DNLZ: variants seen among roughly 807,000 people sequenced by gnomAD.
The protein encoded by DNLZ is DNL-type zinc finger.
Under a neutral mutation model 7.8 loss-of-function variants are expected in DNLZ, and 15 were observed. The ratio of observed to expected loss-of-function variants is 1.91; its 90% CI spans 1.28 to 2.95. DNLZ has a LOEUF of 2.95. Among genes scored for constraint, DNLZ ranks in the 30% most tolerant of loss-of-function variants. The pLI, the probability that DNLZ is intolerant of heterozygous loss-of-function variation, is 0.00. For synonymous variants in DNLZ, 123 were observed against 77.8 expected (o/e 1.58, Z -3.05); for missense variants, 255 against 167.3 (o/e 1.52, Z -2.89).
At chr9:136,362,797 G>T (rs1054998735) in intron 2 of DNLZ, among the ~76,000 whole-genome samples, 192 bp downstream of exon 2, 2 of 152,224 alleles carry the variant, frequency 1.3e-5, no homozygotes, top group African/African-American at 4.8e-5. Context: ...CCCCCTACTT[G>T]GGGCATACTT....
In DNLZ at chr9:136,361,382, A is replaced by G. The variant is rs1832977732; in HGVS notation, c.*630T>C. 1 of 152,210 alleles carries G rather than the reference A, an allele frequency of 6.6e-6. No individual in the cohort carries two copies. The highest frequency in any genetic ancestry group is 1.5e-5 in the Non-Finnish European group (1 of 68,064). The allele number at this position is 152,210 out of a possible 1,614,324, so 9.4% of individuals were successfully genotyped here. ...CAGACAAGGCTGGGAGACAAACCCC[A>G]CACACCTCGGAGGGCCCTGGGGACG... On this transcript the variant is annotated 3_prime_UTR_variant, in exon 3 of 3. Coordinates refer to ENST00000371738, the MANE Select transcript of DNLZ (RefSeq NM_001080849.3).
rs1263675445 is a variant in DNLZ, at chr9:136,363,704, G to A, written c.11C>T (p.Thr4Ile). 3 of 463,178 alleles carry A rather than the reference G, an allele frequency of 6.5e-6. No homozygotes were observed. Among genetic ancestry groups the A allele is most frequent in the Admixed American group, 8.8e-5 (2 of 22,820 alleles). 28.7% of individuals were successfully genotyped at this position (463,178 alleles called of 1,614,324 possible). ...CAACCTCGGCGCGCCGCGCAGCGCA[G>A]TCCGCAGCATCCCGCTCGCCGGCTC... is the stretch of plus-strand genomic sequence containing the variant. Reference protein sequence around the residue: MLRTALRGAPRLLS... With the variant: MLRIALRGAPRLLS... Residue 4 changes from threonine to isoleucine, a missense_variant, in exon 1 of 3, where the codon ACT becomes ATT. By Grantham distance (89) the Thr-to-Ile change is moderately conservative (BLOSUM62 -1). Transcript: ENST00000371738.
At position 136,361,313 on chromosome 9, in the gene DNLZ, T is replaced by A. The variant is rs1187091522; in HGVS notation, c.*699A>T. 2.0e-5 allele frequency: 3 copies of A among 152,260 alleles called. No homozygotes were observed. Among genetic ancestry groups the A allele is most frequent in the Non-Finnish European group, 4.4e-5 (3 of 68,060 alleles). The allele number at this position is 152,260 out of a possible 1,614,324, so 9.4% of individuals were successfully genotyped here. On this transcript the variant is annotated 3_prime_UTR_variant, in exon 3 of 3. Transcript: ENST00000371738. Reference sequence around the variant, plus strand: ...AGAACGCTTCTGCAAATAAACAGGCTGCTGTGTTTGCTCGCTTTCATAAAC... The same window carrying A: ...AGAACGCTTCTGCAAATAAACAGGCAGCTGTGTTTGCTCGCTTTCATAAAC...
In DNLZ at chr9:136,363,471, C is replaced by G. The variant is rs1379480156; in HGVS notation, c.228+16G>C. 1 of 762,190 alleles carries G rather than the reference C, an allele frequency of 1.3e-6. No individual in the cohort carries two copies. The highest frequency in any genetic ancestry group is 1.7e-5 in the Admixed American group (1 of 58,890). 47.2% of individuals were successfully genotyped at this position (762,190 alleles called of 1,614,324 possible). ...GATACGGGTCTGTCCCCGGTTCCGT[C>G]CCGCCGCGCGCCTACCTTGCAGGTG... On this transcript the variant is annotated intron_variant, in intron 1 of 2. Coordinates refer to ENST00000371738, the MANE Select transcript of DNLZ (RefSeq NM_001080849.3).
chr9:136,362,798 G>A (rs528831842), intron 2 of DNLZ, among the ~76,000 whole-genome samples, 191 bp downstream of exon 2: 8 of 152,214 alleles, frequency 5.3e-5, no homozygotes, highest in Non-Finnish European at 1.0e-4. Flanking sequence ...CCCCTACTTG[G>A]GGCATACTTA....
intron 1 of DNLZ, 36 bp from the exon 2 acceptor site, chr9:136,363,164 G>C: frequency 2.5e-6 from 4 of 1,606,814 alleles, no homozygotes; most frequent in Non-Finnish European, 3.4e-6. Flanking sequence ...GGCTGTGAGG[G>C]CCGCCACGCC....
At chr9:136,363,158 G>C in intron 1 of DNLZ, 30 bp from the exon 2 acceptor site, 1 of 1,609,034 alleles carries the variant, frequency 6.2e-7, no homozygotes, top group Non-Finnish European at 8.5e-7. Flanking sequence ...TGGTGAGGCT[G>C]TGAGGGCCGC....
In DNLZ at chr9:136,363,505, C is replaced by T. The variant is rs373874590; in HGVS notation, c.210G>A (p.Gln70=). The part of the protein sequence containing the change: ...ALGRVEAAHY[Q]LVYTCKVCGT... Reference sequence around the variant, plus strand: ...CGCCTACCTTGCAGGTGTAGACGAGCTGGTAGTGCGCCGCCTCCACGCGCC... The same window carrying T: ...CGCCTACCTTGCAGGTGTAGACGAGTTGGTAGTGCGCCGCCTCCACGCGCC... The change falls in exon 1 of 3, where the codon CAG becomes CAA. Residue 70 remains glutamine, a synonymous_variant. Coordinates refer to ENST00000371738, the MANE Select transcript of DNLZ (RefSeq NM_001080849.3). 4 of 757,858 alleles carry T rather than the reference C, an allele frequency of 5.3e-6. No individual in the cohort carries two copies. The highest frequency in any genetic ancestry group is 5.1e-5 in the African/African-American group (3 of 58,622). The allele number at this position is 757,858 out of a possible 1,614,324, so 46.9% of individuals were successfully genotyped here.
chr9:136,363,388 C>T (rs147881655), intron 1 of DNLZ, 99 bp downstream of exon 1: 2 of 748,700 alleles, frequency 2.7e-6, no homozygotes, highest in Non-Finnish European at 4.9e-6. Context: ...TGTGACTTGA[C>T]CACGCCGCCT....
Position 136,361,678 on chromosome 9 carries a change from A to C in DNLZ, c.*334T>G, listed in dbSNP as rs61535877. On this transcript the variant is annotated 3_prime_UTR_variant, in exon 3 of 3. Transcript: ENST00000371738. ...GCTCACAGGGGTGGTGACCTGCTCA[A>C]AGTCACGCAGCGACAGCCAGGAAGG... 7.9e-6 allele frequency: 2 copies of C among 251,812 alleles called. No homozygotes were observed. Among genetic ancestry groups the C allele is most frequent in the African/African-American group, 4.4e-5 (2 of 45,202 alleles). The allele number at this position is 251,812 out of a possible 1,614,324, so 15.6% of individuals were successfully genotyped here.
Position 136,362,904 on chromosome 9 carries a change from C to T in DNLZ, c.368+85G>A, listed in dbSNP as rs973248792. The T allele has an allele frequency of 4.0e-5, 53 of 1,322,264 alleles. No individual in the cohort carries two copies. The East Asian group carries it at 4.4e-4, about 11-fold the overall frequency. The allele number at this position is 1,322,264 out of a possible 1,614,324, so 81.9% of individuals were successfully genotyped here. A position where few individuals can be genotyped will look rare whatever the true frequency, so the allele number is the denominator to read the frequency against. ...GGATTTCCCAGGTGAGATCTATAAA[C>T]CTCAACACTAGGGCAAGGTTCCCCC... On this transcript the variant is annotated intron_variant, in intron 2 of 2. Coordinates refer to ENST00000371738, the MANE Select transcript of DNLZ (RefSeq NM_001080849.3).
chr9:136,362,928 C>T, intron 2 of DNLZ, 61 bp downstream of exon 2: 1 of 1,555,834 alleles, frequency 6.4e-7, no homozygotes, highest in Admixed American at 1.7e-5. Context: ...CAAGGTTCCC[C>T]CAGGGAGGCC....
rs1467444343 is a variant in DNLZ, at chr9:136,360,177, T to C, written c.*1835A>G. 6.6e-6 allele frequency: 1 copy of C among 152,292 alleles called. No homozygotes were observed. The highest frequency in any genetic ancestry group is 1.5e-5 in the Non-Finnish European group (1 of 68,088). The allele number at this position is 152,292 out of a possible 1,614,324, so 9.4% of individuals were successfully genotyped here. A position where few individuals can be genotyped will look rare whatever the true frequency, so the allele number is the denominator to read the frequency against. On this transcript the variant is annotated 3_prime_UTR_variant, in exon 3 of 3. Transcript: ENST00000371738. ...TGGCCATGTTGGCAGCCACAGCCTC[T>C]GTGCTGGTTGACTCCGTTGCCTCCT...
At chr9:136,362,913 T>C (rs917782970) in intron 2 of DNLZ, 76 bp downstream of exon 2, 1 of 1,425,794 alleles carries the variant, frequency 7.0e-7, no homozygotes, top group African/African-American at 1.4e-5. Flanking sequence ...ACCTCAACAC[T>C]AGGGCAAGGT....
At position 136,363,009 on chromosome 9, in the gene DNLZ, G is replaced by C. The variant is rs749230376; in HGVS notation, c.348C>G (p.Phe116Leu). 2 of 1,613,662 alleles carry C rather than the reference G, an allele frequency of 1.2e-6. No homozygotes were observed. The highest frequency in any genetic ancestry group is 1.7e-6 in the Non-Finnish European group (2 of 1,179,978). The change falls in exon 2 of 3, where the codon TTC becomes TTG. Residue 116 changes from phenylalanine (F) to leucine (L), a missense_variant. By Grantham distance (22) the Phe-to-Leu change is conservative (BLOSUM62 0). Coordinates refer to ENST00000371738, the MANE Select transcript of DNLZ (RefSeq NM_001080849.3). ...HHIIADNLGW[F>L]SDLNGKRNIE... ...CTCACCTCTTCCCATTCAGGTCCGA[G>C]AACCAGCCCAGGTTGTCAGCGATGA...
At position 136,361,319 on chromosome 9, in the gene DNLZ, G is replaced by A. The variant is rs1832976836; in HGVS notation, c.*693C>T. ...CTTCTGCAAATAAACAGGCTGCTGTGTTTGCTCGCTTTCATAAACACGGGA... is the reference window on the plus strand; with the variant it reads ...CTTCTGCAAATAAACAGGCTGCTGTATTTGCTCGCTTTCATAAACACGGGA... On this transcript the variant is annotated 3_prime_UTR_variant, in exon 3 of 3. Coordinates refer to ENST00000371738, the MANE Select transcript of DNLZ (RefSeq NM_001080849.3). 1 of 152,246 alleles carries A rather than the reference G, an allele frequency of 6.6e-6. No individual in the cohort carries two copies. The highest frequency in any genetic ancestry group is 2.1e-4 in the South Asian group (1 of 4,832). The allele number at this position is 152,246 out of a possible 1,614,324, so 9.4% of individuals were successfully genotyped here.
At chr9:136,362,308 C>G in intron 2 of DNLZ, 128 bp from the exon 3 acceptor site, 4 of 823,124 alleles carry the variant, frequency 4.9e-6, no homozygotes, top group Non-Finnish European at 6.7e-6. Flanking sequence ...TGGCATCAGG[C>G]CACACGGGCA....
chr9:136,359,561 G>C lies in DNLZ; in HGVS notation c.*2451C>G, dbSNP rs1832943910. 6.6e-6 allele frequency: 1 copy of C among 152,338 alleles called. No homozygotes were observed. Among genetic ancestry groups the C allele is most frequent in the South Asian group, 2.1e-4 (1 of 4,832 alleles). 9.4% of individuals were successfully genotyped at this position (152,338 alleles called of 1,614,324 possible). A position where few individuals can be genotyped will look rare whatever the true frequency, so the allele number is the denominator to read the frequency against. On this transcript the variant is annotated 3_prime_UTR_variant, in exon 3 of 3. Coordinates refer to ENST00000371738, the MANE Select transcript of DNLZ (RefSeq NM_001080849.3). ...CCTTTCCAACCCAAGAGGTACATTT[G>C]TTTTTCTGTTTTTCCTGAAAAATAA...
At chr9:136,362,890 G>A (rs1297551651) in intron 2 of DNLZ, 99 bp downstream of exon 2, 4 of 1,107,022 alleles carry the variant, frequency 3.6e-6, no homozygotes, top group African/African-American at 3.1e-5. Context: ...GATTTCCCAG[G>A]TGAGATCTAT....
Sources: allele counts gnomAD v4.1 joint callset (sites outside exome capture counted in the v4.1 genomes callset), GRCh38; gene constraint gnomAD v4.1.1; transcripts MANE v1.5; gene names NCBI Gene and HGNC (gene_info 2026-07-23, HGNC 2026-07-21).